The following LMO3 variants were observed in gnomAD, a reference collection of about 807,000 sequenced individuals.
LMO3 encodes the protein LIM domain only 3, also known as LIM domain only protein 3.
In LMO3, 2 loss-of-function variants were observed where a neutral mutation model predicts 15.8. That is an observed-to-expected ratio of 0.13 (90% CI 0.05 to 0.40). LMO3 has a LOEUF of 0.40. LMO3 is among the 10% of genes least tolerant of loss of function. LMO3 has a pLI of 0.99. For synonymous variants in LMO3, 62 were observed against 63.8 expected (o/e 0.97, Z 0.13); for missense variants, 86 against 182.2 (o/e 0.47, Z 3.04).
intron 3 of LMO3, 95 bp from the exon 4 acceptor site, chr12:16,551,422 T>C: frequency 1.4e-6 from 1 of 732,572 alleles, no homozygotes; most frequent in Non-Finnish European, 2.3e-6. Flanking sequence ...TTTCGCATGG[T>C]AATTCCCTGA....
chr12:16,597,299 T>C lies in LMO3; in HGVS notation c.206+3356A>G, dbSNP rs1943690030. Reference sequence around the variant, plus strand: ...AAAGGAGAAAAAAAATGGAAAGACATCAAATTTTCCATAATAATAGTTTCT... The same window carrying C: ...AAAGGAGAAAAAAAATGGAAAGACACCAAATTTTCCATAATAATAGTTTCT... On this transcript the variant is annotated intron_variant, in intron 2 of 3. Coordinates refer to ENST00000537304, the MANE Select transcript of LMO3 (RefSeq NM_018640.5). The surrounding 1 kb of genome is among the most constrained non-coding windows in gnomAD (Gnocchi z 5.0). 6.6e-6 allele frequency among the ~76,000 whole-genome samples: 1 copy of C among 151,770 alleles called. No homozygotes were observed.
intron 1 of LMO3, chr12:16,605,419 T>G (rs1292206630): frequency 4.4e-5 from 51 of 1,151,212 alleles, no homozygotes; most frequent in Non-Finnish European, 5.5e-5. Flanking sequence ...TCTAGCCACT[T>G]CTGCCCCTAC....
In LMO3 at chr12:16,587,508, T is replaced by C. The variant is rs906266980; in HGVS notation, c.206+13147A>G. Among the ~76,000 whole-genome samples the C allele has an allele frequency of 2.0e-5, 3 of 152,154 alleles. No individual in the cohort carries two copies. Among genetic ancestry groups the C allele is most frequent in the Non-Finnish European group, 4.4e-5 (3 of 68,018 alleles). On this transcript the variant is annotated intron_variant, in intron 2 of 3. Coordinates refer to ENST00000537304, the MANE Select transcript of LMO3 (RefSeq NM_018640.5). This position sits in a 1 kb window ranked among gnomAD's most constrained non-coding sequence, Gnocchi z 4.3. ...ACTACTAGCAAATAAACTGTGCCTC[T>C]TTTTTAAATAAACCCCTGGCCTTGA...
rs191369375 is a variant in LMO3 at position 16,593,849 on chromosome 12, G to A, written c.206+6806C>T. 5.3e-5 allele frequency among the ~76,000 whole-genome samples: 8 copies of A among 151,820 alleles called. No individual in the cohort carries two copies. Among genetic ancestry groups the A allele is most frequent in the Admixed American group, 5.3e-4 (8 of 15,210 alleles). On this transcript the variant is annotated intron_variant, in intron 2 of 3. Coordinates refer to ENST00000537304, the MANE Select transcript of LMO3 (RefSeq NM_018640.5). The surrounding 1 kb of genome is among the most constrained non-coding windows in gnomAD (Gnocchi z 4.2). ...ACTTCCACTTCAAAATAAGCTTCGTGTAAGCACCTTGAAAAGGGAAATACA... is the reference window on the plus strand; with the variant it reads ...ACTTCCACTTCAAAATAAGCTTCGTATAAGCACCTTGAAAAGGGAAATACA...
At chr12:16,562,423 A>C (rs1942439341) in intron 2 of LMO3, among the ~76,000 whole-genome samples, 1 of 152,216 alleles carries the variant, frequency 6.6e-6, no homozygotes, top group African/African-American at 2.4e-5. Flanking sequence ...CAGTTTGTTC[A>C]TATCTAATAA....
Position 16,604,928 on chromosome 12 carries a change from A to G in LMO3, c.-9+1138T>C. On this transcript the variant is annotated intron_variant, in intron 1 of 3. Transcript: ENST00000537304. The surrounding 1 kb of genome is among the most constrained non-coding windows in gnomAD (Gnocchi z 5.3). The stretch of plus-strand genomic sequence containing the variant: ...CGTGTCTGAGTTGCAGCAGCTTCGC[A>G]TTGAGCACCAAACCCAAAGGTAGAA... The G allele has an allele frequency of 6.3e-7, 1 of 1,598,438 alleles. No individual in the cohort carries two copies. Among genetic ancestry groups the G allele is most frequent in the Non-Finnish European group, 8.5e-7 (1 of 1,179,794 alleles).
chr12:16,566,488 T>C (rs1942614888), intron 2 of LMO3, among the ~76,000 whole-genome samples: 1 of 151,996 alleles, frequency 6.6e-6, no homozygotes. Flanking sequence ...TTACACAAAA[T>C]ATATATGCAT....
chr12:16,600,500 AAC>A (rs1311941923), intron 2 of LMO3, 153 bp downstream of exon 2: 3 of 633,606 alleles, frequency 4.7e-6, no homozygotes, highest in Non-Finnish European at 8.2e-6. Context: ...TAATTTGAGT[AAC>A]ACACACAGGG....
intron 2 of LMO3, among the ~76,000 whole-genome samples, chr12:16,577,424 T>C (rs1487378492): frequency 3.9e-5 from 6 of 152,184 alleles, no homozygotes; most frequent in Admixed American, 3.3e-4. Flanking sequence ...ATTATTTTCA[T>C]CATATAGGTT....
chr12:16,595,680 CAG>C (rs1031104850), intron 2 of LMO3, among the ~76,000 whole-genome samples: 10 of 151,294 alleles, frequency 6.6e-5, no homozygotes, highest in African/African-American at 2.4e-4. Flanking sequence ...ATTTTTGTAA[CAG>C]ATATGGAGTT....
intron 2 of LMO3, among the ~76,000 whole-genome samples, chr12:16,581,812 ACT>A (rs944453608): frequency 2.0e-5 from 3 of 151,908 alleles, no homozygotes; most frequent in African/African-American, 7.2e-5. Context: ...TTGTATTACT[ACT>A]CTTTATTAAT....
rs1943190674 is a variant in LMO3 at position 16,582,436 on chromosome 12, T to A, written c.206+18219A>T. Among the ~76,000 whole-genome samples, 1 of 152,230 alleles carries A rather than the reference T, an allele frequency of 6.6e-6. No homozygotes were observed. The highest frequency in any genetic ancestry group is 1.5e-5 in the Non-Finnish European group (1 of 68,042). ...TAGCATTAGTGTTTTATATTTTATATTGTCTTTATCAGGTCAAGGTACTGT... is the reference window on the plus strand; with the variant it reads ...TAGCATTAGTGTTTTATATTTTATAATGTCTTTATCAGGTCAAGGTACTGT... On this transcript the variant is annotated intron_variant, in intron 2 of 3. Coordinates refer to ENST00000537304, the MANE Select transcript of LMO3 (RefSeq NM_018640.5). The surrounding 1 kb of genome is among the most constrained non-coding windows in gnomAD (Gnocchi z 4.1).
chr12:16,602,003 T>C (rs1378211953), intron 1 of LMO3: 1 of 152,214 alleles, frequency 6.6e-6, no homozygotes, highest in Non-Finnish European at 1.5e-5. Context: ...TCCCTCATTT[T>C]ACAAATTATG....
Position 16,591,082 on chromosome 12 carries a change from T to G in LMO3, c.206+9573A>C, listed in dbSNP as rs1313051145. ...GGTTTTCAAATTGAAGTATTATCAC[T>G]TTTCTAGGGGACATTTAGAAATGTA... On this transcript the variant is annotated intron_variant, in intron 2 of 3. Coordinates refer to ENST00000537304, the MANE Select transcript of LMO3 (RefSeq NM_018640.5). The surrounding 1 kb of genome is among the most constrained non-coding windows in gnomAD (Gnocchi z 4.1). Among the ~76,000 whole-genome samples the G allele has an allele frequency of 6.6e-6, 1 of 152,208 alleles. No individual in the cohort carries two copies. Among genetic ancestry groups the G allele is most frequent in the Non-Finnish European group, 1.5e-5 (1 of 67,984 alleles).
chr12:16,590,885 T>C (rs565001245), intron 2 of LMO3, among the ~76,000 whole-genome samples: 238 of 152,186 alleles, frequency 1.6e-3, no homozygotes, highest in Non-Finnish European at 2.6e-3. Context: ...CAAATTCATA[T>C]TTCACAACTA....
At chr12:16,557,167 G>C (rs1942220642) in intron 3 of LMO3, among the ~76,000 whole-genome samples, 1 of 151,924 alleles carries the variant, frequency 6.6e-6, no homozygotes, top group African/African-American at 2.4e-5. Flanking sequence ...ATTTAGGCTG[G>C]GTTTAGCACT....
intron 1 of LMO3, among the ~76,000 whole-genome samples, chr12:16,601,537 A>G (rs1308279831): frequency 2.0e-5 from 3 of 152,220 alleles, no homozygotes; most frequent in Non-Finnish European, 2.9e-5. Context: ...GTCAGCACCT[A>G]TATTAATGGC....
chr12:16,565,786 GT>G (rs1942576630), intron 2 of LMO3, among the ~76,000 whole-genome samples: 1 of 151,016 alleles, frequency 6.6e-6, no homozygotes, highest in Non-Finnish European at 1.5e-5. Context: ...CAGTATGGAG[GT>G]TCCTCAAAAA....
At position 16,563,706 on chromosome 12, in the gene LMO3, C is replaced by A. The variant is rs73054115; in HGVS notation, c.207-3168G>T. On this transcript the variant is annotated intron_variant, in intron 2 of 3. Coordinates refer to ENST00000537304, the MANE Select transcript of LMO3 (RefSeq NM_018640.5). ...TTTGTAGTGCTTGTACAGTCACATC[C>A]TCTAGATAAGAGGGCCTAAGAGTTC... Among the ~76,000 whole-genome samples the A allele has an allele frequency of 7.5e-3, 1,139 of 152,184 alleles. 5 individuals are homozygous for A. The highest frequency in any genetic ancestry group is 0.012 in the Non-Finnish European group (847 of 68,002).
Sources: allele counts gnomAD v4.1 joint callset (sites outside exome capture counted in the v4.1 genomes callset), GRCh38; gene constraint gnomAD v4.1.1; non-coding constraint Gnocchi (gnomAD v3.1); transcripts MANE v1.5; gene names NCBI Gene and HGNC (gene_info 2026-07-23, HGNC 2026-07-21).